Variants in LCORL observed in about 807,000 individuals in gnomAD.
LCORL encodes ligand-dependent nuclear receptor corepressor-like protein.
A neutral mutation model predicts 141.8 loss-of-function variants in LCORL; 41 were observed. The ratio of observed to expected loss-of-function variants is 0.29; its 90% CI spans 0.23 to 0.38. LCORL has a LOEUF of 0.38. LCORL is among the 10% of genes least tolerant of loss of function. The pLI is 1.00. For synonymous variants in LCORL, 618 were observed against 694.1 expected (o/e 0.89, Z 1.72); for missense variants, 1,759 against 2,035.0 (o/e 0.86, Z 2.61).
At chr4:17,929,841 A>G (rs1006094772) in intron 4 of LCORL, among the ~76,000 whole-genome samples, 2 of 152,220 alleles carry the variant, frequency 1.3e-5, no homozygotes, top group Non-Finnish European at 2.9e-5. Context: ...ATGGGAAAAA[A>G]ATATTTCTAA....
intron 6 of LCORL, chr4:17,883,698 A>AC: frequency 6.7e-7 from 1 of 1,500,418 alleles, no homozygotes; most frequent in Non-Finnish European, 8.9e-7. Flanking sequence ...ACACACTCAC[A>AC]AACATTTTCC....
intron 4 of LCORL, among the ~76,000 whole-genome samples, chr4:17,936,360 G>GAAAAAAAAAAAAAAAA (rs10646952): frequency 1.0e-5 from 1 of 96,452 alleles, no homozygotes; most frequent in African/African-American, 3.4e-5. Flanking sequence ...GTCTCATAAT[G>GAAAAAAAAAAAAAAAA]AAAAAAAAAA....
chr4:17,969,644 T>G (rs949395273), intron 2 of LCORL, among the ~76,000 whole-genome samples: 2 of 152,114 alleles, frequency 1.3e-5, no homozygotes, highest in African/African-American at 4.8e-5. Flanking sequence ...ATACAAGAAT[T>G]ATATTATCCT....
At chr4:17,877,281 A>C in exon 7 of LCORL, 1 of 1,230,100 alleles carries the variant, frequency 8.1e-7, no homozygotes, top group Non-Finnish European at 1.0e-6. Flanking sequence ...GAGAGATGTT[A>C]TGAAATCTCC....
At chr4:17,935,903 A>G (rs1313552747) in intron 4 of LCORL, among the ~76,000 whole-genome samples, 1 of 152,204 alleles carries the variant, frequency 6.6e-6, no homozygotes, top group Non-Finnish European at 1.5e-5. Flanking sequence ...CAGTAATTGA[A>G]AAGCAATTTT....
exon 8 of LCORL, chr4:17,843,255 G>A (rs768367714): frequency 1.3e-6 from 2 of 1,578,468 alleles, no homozygotes; most frequent in Non-Finnish European, 8.6e-7. Flanking sequence ...AAATAAACTG[G>A]TTTTAAAGCT....
chr4:17,886,806 C>T (rs1291412637), intron 5 of LCORL, among the ~76,000 whole-genome samples: 1 of 151,924 alleles, frequency 6.6e-6, no homozygotes, highest in Non-Finnish European at 1.5e-5. Context: ...AAATAACTGC[C>T]TACGCATGTT....
At chr4:17,993,096 A>C (rs766421748) in intron 1 of LCORL, among the ~76,000 whole-genome samples, 69 of 152,340 alleles carry the variant, frequency 4.5e-4, no homozygotes, top group Middle Eastern at 3.4e-3. Flanking sequence ...GGGACAAGAA[A>C]ACTTGATATG....
intron 1 of LCORL, among the ~76,000 whole-genome samples, chr4:18,005,893 C>T (rs112050947): frequency 2.0e-5 from 3 of 152,304 alleles, no homozygotes; most frequent in African/African-American, 7.2e-5. Context: ...CTCTGACATG[C>T]CCTGGAGACA....
intron 4 of LCORL, among the ~76,000 whole-genome samples, chr4:17,960,589 T>G (rs1381284740): frequency 6.6e-6 from 1 of 152,126 alleles, no homozygotes; most frequent in East Asian, 1.9e-4. Context: ...GAATAAAATT[T>G]TCTACATTAA....
At chr4:17,967,353 T>G (rs1269710201) in intron 2 of LCORL, among the ~76,000 whole-genome samples, 1 of 152,142 alleles carries the variant, frequency 6.6e-6, no homozygotes, top group Non-Finnish European at 1.5e-5. Context: ...ACCATGCATT[T>G]GGCAAAACCC....
intron 1 of LCORL, among the ~76,000 whole-genome samples, chr4:17,999,744 G>C (rs1400959309): frequency 6.6e-6 from 1 of 152,162 alleles, no homozygotes; most frequent in Admixed American, 6.5e-5. Context: ...GACACTAGTA[G>C]GTGGGAAGTA....
chr4:17,845,448 G>C (rs1274854869), exon 8 of LCORL: 1 of 266,756 alleles, frequency 3.7e-6, no homozygotes, highest in African/African-American at 2.2e-5. Context: ...AATAAAACTA[G>C]GGACAATTAC....
intron 1 of LCORL, among the ~76,000 whole-genome samples, chr4:17,979,848 T>C (rs1717655204): frequency 6.6e-6 from 1 of 152,154 alleles, no homozygotes; most frequent in Admixed American, 6.6e-5. Flanking sequence ...AAAATAAGAT[T>C]ATCCTGGTGG....
intron 4 of LCORL, among the ~76,000 whole-genome samples, chr4:17,955,953 C>T (rs7686082): frequency 0.24 from 36,821 of 151,856 alleles, 5,756 homozygotes; most frequent in African/African-American, 0.44. Context: ...TGAAAAAAGA[C>T]TGGATACCTG....
intron 6 of LCORL, chr4:17,880,718 AAC>A (rs939135044): frequency 5.8e-5 from 56 of 972,306 alleles, no homozygotes; most frequent in Non-Finnish European, 6.5e-5. Context: ...ACAACCTAGA[AAC>A]ACGTTAACTG....
At chr4:17,962,015 A>G (rs1171824459) in exon 4 of LCORL, 2 of 1,606,424 alleles carry the variant, frequency 1.2e-6, no homozygotes, top group Admixed American at 1.7e-5. Flanking sequence ...GTGAAGAATC[A>G]AGAGATGGTA....
chr4:17,930,790 C>T (rs146268431), intron 4 of LCORL, among the ~76,000 whole-genome samples: 17 of 152,248 alleles, frequency 1.1e-4, no homozygotes, highest in Admixed American at 2.6e-4. Flanking sequence ...TACTATTTCA[C>T]GGATACACAC....
intron 1 of LCORL, among the ~76,000 whole-genome samples, chr4:18,007,912 A>C (rs1723080894): frequency 6.6e-6 from 1 of 152,196 alleles, no homozygotes; most frequent in Admixed American, 6.5e-5. Flanking sequence ...AAGGTTAAGA[A>C]AGCAAAGAAG....
Sources: allele counts gnomAD v4.1 joint callset (sites outside exome capture counted in the v4.1 genomes callset), GRCh38; gene constraint gnomAD v4.1.1; transcripts MANE v1.5; gene names NCBI Gene and HGNC (gene_info 2026-07-23, HGNC 2026-07-21).